Variants in TBC1D5 observed in about 807,000 individuals in gnomAD.
TBC1D5 encodes the protein TBC1 domain family, member 5.
A neutral mutation model predicts 100.3 loss-of-function variants in TBC1D5; 75 were observed. The ratio of observed to expected loss-of-function variants is 0.75; its 90% CI spans 0.62 to 0.91. The LOEUF (loss-of-function observed/expected upper bound fraction) is 0.91. Ranked by LOEUF, TBC1D5 falls within the 40% of genes least tolerant of loss-of-function variation. The pLI is 0.00. For synonymous variants in TBC1D5, 323 were observed against 325.6 expected (o/e 0.99, Z 0.09); for missense variants, 910 against 942.4 (o/e 0.97, Z 0.45).
chr3:17,704,163 C>A (rs2073630901), intron 1 of TBC1D5, among the ~76,000 whole-genome samples: 3 of 140,498 alleles, frequency 2.1e-5, no homozygotes, highest in Admixed American at 7.2e-5. Context: ...TTTAACAAAG[C>A]ACATCTTGCA....
At chr3:17,703,267 TTCAAG>T (rs1403770153) in intron 1 of TBC1D5, among the ~76,000 whole-genome samples, 1 of 151,882 alleles carries the variant, frequency 6.6e-6, no homozygotes, top group African/African-American at 2.4e-5. Context: ...TTTTAGCTGC[TTCAAG>T]TCTTTTCTGT....
chr3:17,167,105 T>C (rs1333175905), intron 20 of TBC1D5, among the ~76,000 whole-genome samples, 177 bp from the exon 22 acceptor site: 3 of 152,218 alleles, frequency 2.0e-5, no homozygotes, highest in Non-Finnish European at 2.9e-5. Flanking sequence ...TTATCACAGC[T>C]GCTGGCTTAG....
intron 3 of TBC1D5, among the ~76,000 whole-genome samples, chr3:17,480,785 G>A (rs1384500035): frequency 6.6e-6 from 1 of 152,188 alleles, no homozygotes; most frequent in Non-Finnish European, 1.5e-5. Context: ...CCTGCCTACG[G>A]AAAGGAGCTA....
chr3:17,412,285 C>T (rs900748158), intron 4 of TBC1D5, among the ~76,000 whole-genome samples: 12 of 151,666 alleles, frequency 7.9e-5, no homozygotes, highest in African/African-American at 2.4e-4. Flanking sequence ...TCTGGTAGTA[C>T]AGAGGGGAAA....
At chr3:17,190,857 C>A (rs574767102) in intron 18 of TBC1D5, among the ~76,000 whole-genome samples, 3 of 152,192 alleles carry the variant, frequency 2.0e-5, no homozygotes, top group Non-Finnish European at 4.4e-5. Flanking sequence ...CTAAATATAG[C>A]AACCAGAAGA....
chr3:17,515,359 T>C (rs1376882620), intron 2 of TBC1D5, among the ~76,000 whole-genome samples: 1 of 152,226 alleles, frequency 6.6e-6, no homozygotes, highest in Non-Finnish European at 1.5e-5. Flanking sequence ...AAGGACGTTT[T>C]AGTACTTCCT....
intron 15 of TBC1D5, among the ~76,000 whole-genome samples, chr3:17,263,597 C>T (rs776258804): frequency 1.2e-4 from 19 of 152,006 alleles, no homozygotes; most frequent in Non-Finnish European, 1.8e-4. Context: ...ACAGCTTTTT[C>T]TTCAGCATTT....
intron 15 of TBC1D5, among the ~76,000 whole-genome samples, chr3:17,260,983 C>G (rs1455809938): frequency 2.6e-5 from 4 of 152,196 alleles, no homozygotes; most frequent in African/African-American, 9.6e-5. Flanking sequence ...AGCCACACTT[C>G]AAGTGCTAAA....
intron 3 of TBC1D5, among the ~76,000 whole-genome samples, chr3:17,457,467 AT>A (rs1251583409): frequency 6.6e-6 from 1 of 152,166 alleles, no homozygotes; most frequent in African/African-American, 2.4e-5. Flanking sequence ...TGACATAGCC[AT>A]TCTCCATTTC....
intron 3 of TBC1D5, among the ~76,000 whole-genome samples, chr3:17,475,448 A>C (rs897830582): frequency 5.9e-5 from 9 of 152,082 alleles, no homozygotes; most frequent in African/African-American, 2.2e-4. Flanking sequence ...ATCAATTTCC[A>C]ACACTTTAGT....
At chr3:17,259,084 C>A (rs1232570825) in intron 15 of TBC1D5, among the ~76,000 whole-genome samples, 2 of 152,116 alleles carry the variant, frequency 1.3e-5, no homozygotes, top group Non-Finnish European at 2.9e-5. Context: ...CAGAATTCAG[C>A]AATTCTTTTA....
chr3:17,557,758 A>T (rs1445263705), intron 2 of TBC1D5, among the ~76,000 whole-genome samples: 1 of 152,208 alleles, frequency 6.6e-6, no homozygotes, highest in African/African-American at 2.4e-5. Flanking sequence ...AGCCATAGGT[A>T]AATTTTTTTT....
In TBC1D5 at chr3:17,374,685, A is replaced by C; in HGVS notation, c.702-6T>G. 6.2e-7 allele frequency: 1 copy of C among 1,610,238 alleles called. No homozygotes were observed. The highest frequency in any genetic ancestry group is 8.5e-7 in the Non-Finnish European group (1 of 1,179,100). On this transcript the variant is annotated splice_polypyrimidine_tract_variant and splice_region_variant and intron_variant, in intron 10 of 21. Coordinates refer to ENST00000253692, the Ensembl canonical transcript of TBC1D5. ...AGACAGTTTTCATTTCCTCACTTAA[A>C]AAAGCAATACAAGCAATCAAAATGT...
At chr3:17,488,935 G>A (rs2095603976) in intron 3 of TBC1D5, among the ~76,000 whole-genome samples, 1 of 149,368 alleles carries the variant, frequency 6.7e-6, no homozygotes, top group African/African-American at 2.5e-5. Flanking sequence ...AGGGATCTAG[G>A]ATGCATGCTC....
At chr3:17,361,626 A>C (rs944630044) in intron 13 of TBC1D5, among the ~76,000 whole-genome samples, 22 of 152,094 alleles carry the variant, frequency 1.4e-4, no homozygotes, top group African/African-American at 3.6e-4. Flanking sequence ...TTGGAAATTA[A>C]GCAATACAAA....
intron 8 of TBC1D5, among the ~76,000 whole-genome samples, chr3:17,387,429 G>C (rs1051215094): frequency 6.6e-6 from 1 of 152,000 alleles, no homozygotes; most frequent in Non-Finnish European, 1.5e-5. Context: ...TAAGAACCTA[G>C]CTCTGAAGGT....
chr3:17,470,434 G>T (rs1367409311), intron 3 of TBC1D5, among the ~76,000 whole-genome samples: 1 of 152,134 alleles, frequency 6.6e-6, no homozygotes, highest in African/African-American at 2.4e-5. Flanking sequence ...GGTATCAGGA[G>T]AGAACACCCT....
intron 15 of TBC1D5, among the ~76,000 whole-genome samples, chr3:17,285,064 A>T (rs1157245033): frequency 6.6e-6 from 1 of 151,996 alleles, no homozygotes; most frequent in East Asian, 1.9e-4. Context: ...GGGAGTAAAA[A>T]AAAAAAAAGA....
intron 1 of TBC1D5, among the ~76,000 whole-genome samples, chr3:17,718,441 C>CA (rs2075416443): frequency 6.6e-6 from 1 of 151,864 alleles, no homozygotes; most frequent in African/African-American, 2.4e-5. Context: ...ACCAAAAATA[C>CA]AAAAAAATTA....
Sources: gnomAD v4.1 joint callset for allele counts (sites outside exome capture counted in the v4.1 genomes callset) on GRCh38, gnomAD v4.1.1 for gene constraint, MANE v1.5 for transcripts, NCBI Gene and HGNC (gene_info 2026-07-23, HGNC 2026-07-21) for gene names.